MEGF9: variants seen among roughly 807,000 people sequenced by gnomAD.
The protein encoded by MEGF9 is multiple EGF like domains 9, also known as multiple epidermal growth factor-like domains protein 9.
MEGF9 carries 6 observed loss-of-function variants against 46.8 expected under a neutral mutation model. The observed-to-expected ratio is 0.13, with a 90% confidence interval of 0.07 to 0.25. The LOEUF (loss-of-function observed/expected upper bound fraction) is 0.25. Among genes scored for constraint, MEGF9 ranks in the 10% least tolerant of loss-of-function variants. The pLI, the probability that MEGF9 is intolerant of heterozygous loss-of-function variation, is 1.00. For missense variants in MEGF9, 683 were observed against 792.4 expected (o/e 0.86, Z 1.66); for synonymous variants, 302 against 330.7 (o/e 0.91, Z 0.94).
intron 1 of MEGF9, among the ~76,000 whole-genome samples, chr9:120,709,102 C>A (rs2043941336): frequency 6.6e-6 from 1 of 152,120 alleles, no homozygotes; most frequent in Admixed American, 6.5e-5. Flanking sequence ...AGCTCTGTTT[C>A]ACATTTTGGT....
At chr9:120,662,382 C>T (rs2043706426) in intron 1 of MEGF9, among the ~76,000 whole-genome samples, 1 of 152,196 alleles carries the variant, frequency 6.6e-6, no homozygotes, top group Non-Finnish European at 1.5e-5. Context: ...ACTCACTTCT[C>T]CATAAACTCT....
intron 1 of MEGF9, among the ~76,000 whole-genome samples, chr9:120,662,844 A>G (rs980117701): frequency 2.6e-5 from 4 of 152,232 alleles, no homozygotes; most frequent in Non-Finnish European, 5.9e-5. Flanking sequence ...AACGTCTGGG[A>G]AACAGAATTA....
intron 4 of MEGF9, among the ~76,000 whole-genome samples, chr9:120,611,865 A>AGAAAG (rs572613293): frequency 2.0e-4 from 27 of 137,224 alleles, no homozygotes; most frequent in African/African-American, 6.8e-4. Flanking sequence ...GGAAGGAAGA[A>AGAAAG]AGAGAGAGAG....
intron 1 of MEGF9, among the ~76,000 whole-genome samples, chr9:120,667,022 G>A (rs753176569): frequency 5.9e-5 from 9 of 152,134 alleles, no homozygotes; most frequent in Admixed American, 2.0e-4. Context: ...TATCAACACT[G>A]ACAGAACTAT....
At chr9:120,636,860 G>A (rs1380899266) in intron 2 of MEGF9, among the ~76,000 whole-genome samples, 1 of 151,094 alleles carries the variant, frequency 6.6e-6, no homozygotes, top group Non-Finnish European at 1.5e-5. Flanking sequence ...GGGGGTGGGG[G>A]GGCCCCTCTG....
rs535792169 is a variant in MEGF9 at position 120,636,719 on chromosome 9, G to A, written c.804-13964C>T. 3.5e-4 allele frequency among the ~76,000 whole-genome samples: 53 copies of A among 152,158 alleles called. No homozygotes were observed. The South Asian group carries it at 7.1e-3, about 20-fold the overall frequency. On this transcript the variant is annotated intron_variant, in intron 2 of 5. Transcript: ENST00000373930. ...TGGTGCTCCACACCTCTGCCCAGCC[G>A]CGACCCCGTCTGGGAACTGAGGAGC... is the stretch of plus-strand genomic sequence containing the variant.
At chr9:120,712,039 T>C (rs1431233292) in intron 1 of MEGF9, among the ~76,000 whole-genome samples, 1 of 152,204 alleles carries the variant, frequency 6.6e-6, no homozygotes, top group Non-Finnish European at 1.5e-5. Flanking sequence ...GGAGGACTGC[T>C]TGAGTTCAGG....
rs577076496 is a variant in MEGF9 at position 120,642,952 on chromosome 9, A to G, written c.803+16422T>C. 2.0e-5 allele frequency among the ~76,000 whole-genome samples: 3 copies of G among 152,372 alleles called. No individual in the cohort carries two copies. The East Asian group carries it at 5.8e-4, about 29-fold the overall frequency. On this transcript the variant is annotated intron_variant, in intron 2 of 5. Coordinates refer to ENST00000373930, the MANE Select transcript of MEGF9 (RefSeq NM_001080497.3). Reference sequence around the variant, plus strand: ...AAAACCCCAAATTGTTGAAACACACAAAATATATCACACCAGAATATTCAT... The same window carrying G: ...AAAACCCCAAATTGTTGAAACACACGAAATATATCACACCAGAATATTCAT...
intron 3 of MEGF9, among the ~76,000 whole-genome samples, chr9:120,621,269 T>C (rs1259151379): frequency 6.6e-6 from 1 of 152,248 alleles, no homozygotes; most frequent in South Asian, 2.1e-4. Context: ...GGATCCAGTA[T>C]CACTTTCCTC....
chr9:120,670,700 C>T (rs1309544274), intron 1 of MEGF9, among the ~76,000 whole-genome samples: 1 of 152,122 alleles, frequency 6.6e-6, no homozygotes, highest in Non-Finnish European at 1.5e-5. Flanking sequence ...ACCTTCCCTC[C>T]AGTTTCAGGC....
chr9:120,656,538 C>T (rs1361797034), intron 2 of MEGF9, among the ~76,000 whole-genome samples: 1 of 119,690 alleles, frequency 8.4e-6, no homozygotes, highest in Non-Finnish European at 1.7e-5. Flanking sequence ...CAGAGCGAGA[C>T]TCCGTCTCAA....
chr9:120,631,023 T>G (rs1368876124), intron 2 of MEGF9, among the ~76,000 whole-genome samples: 1 of 152,224 alleles, frequency 6.6e-6, no homozygotes, highest in African/African-American at 2.4e-5. Flanking sequence ...TTATTGTCTG[T>G]GCTGATGAGG....
intron 1 of MEGF9, among the ~76,000 whole-genome samples, chr9:120,661,199 T>C (rs1395685212): frequency 6.6e-6 from 1 of 152,198 alleles, no homozygotes; most frequent in African/African-American, 2.4e-5. Context: ...TCACAGCTCT[T>C]CTAGTTTGTA....
chr9:120,677,752 T>C (rs778797708), intron 1 of MEGF9, among the ~76,000 whole-genome samples: 27 of 152,232 alleles, frequency 1.8e-4, no homozygotes, highest in Non-Finnish European at 3.7e-4. Flanking sequence ...AAACTTCTAT[T>C]TGAACCTAGG....
At position 120,605,561 on chromosome 9, in the gene MEGF9, T is replaced by C; in HGVS notation, c.1438A>G (p.Ile480Val). The C allele has an allele frequency of 6.2e-7, 1 of 1,609,850 alleles. No individual in the cohort carries two copies. Among genetic ancestry groups the C allele is most frequent in the Non-Finnish European group, 8.5e-7 (1 of 1,177,580 alleles). Residue 480 changes from isoleucine to valine, a missense_variant, in exon 6 of 6, where the codon ATA (isoleucine) becomes GTA (valine). By Grantham distance (29) the Ile-to-Val change is conservative (BLOSUM62 3). Transcript: ENST00000373930. This position sits in a 1 kb window ranked among gnomAD's most constrained non-coding sequence, Gnocchi z 4.0. ...GTTGTAGGGGTAAAAGTACTATTTA[T>C]AACAGGGGTGGGCACTGATGTGGTC... Reference protein sequence around the residue: ...SLTTSVPTPVINSTFTPTTLQ... With the variant: ...SLTTSVPTPVVNSTFTPTTLQ...
intron 3 of MEGF9, among the ~76,000 whole-genome samples, chr9:120,612,964 G>A (rs1274642040): frequency 6.8e-6 from 1 of 146,732 alleles, no homozygotes; most frequent in African/African-American, 2.6e-5. Flanking sequence ...GGCCTCCCAA[G>A]TGGCTGGGAC....
chr9:120,666,784 C>T (rs2043727065), intron 1 of MEGF9, among the ~76,000 whole-genome samples: 4 of 152,150 alleles, frequency 2.6e-5, no homozygotes, highest in Admixed American at 2.0e-4. Context: ...CACTATGGTA[C>T]ATTCTCATAA....
chr9:120,653,742 T>C lies in MEGF9; in HGVS notation c.803+5632A>G, dbSNP rs563114271. Among the ~76,000 whole-genome samples, 3 of 152,304 alleles carry C rather than the reference T, an allele frequency of 2.0e-5. No homozygotes were observed. The South Asian group carries it at 6.2e-4, about 32-fold the overall frequency. ...TGTGACCAATAGAAGTATAAATTTA[T>C]CTCAGAAGTTTAATATGCCAAAGAC... On this transcript the variant is annotated intron_variant, in intron 2 of 5. Transcript: ENST00000373930.
intron 2 of MEGF9, among the ~76,000 whole-genome samples, chr9:120,638,160 A>G (rs1459388586): frequency 2.0e-5 from 3 of 152,064 alleles, no homozygotes; most frequent in Admixed American, 6.6e-5. Context: ...CACGTGGCTA[A>G]TGTTTTGATT....
Sources: gnomAD v4.1 joint callset for allele counts (sites outside exome capture counted in the v4.1 genomes callset) on GRCh38, gnomAD v4.1.1 for gene constraint, Gnocchi (gnomAD v3.1) non-coding constraint, MANE v1.5 for transcripts, NCBI Gene and HGNC (gene_info 2026-07-23, HGNC 2026-07-21) for gene names.